ARSF: variants seen among roughly 807,000 people sequenced by gnomAD.
ARSF encodes the protein arylsulfatase F.
ARSF carries 33 observed loss-of-function variants against 35.4 expected under a neutral mutation model. The ratio of observed to expected loss-of-function variants is 0.93; its 90% CI spans 0.71 to 1.25. The LOEUF (loss-of-function observed/expected upper bound fraction) is 1.25. ARSF is among the 50% of genes most tolerant of loss of function. The pLI is 0.00. For synonymous variants in ARSF, 222 were observed against 193.1 expected (o/e 1.15, Z -1.24); for missense variants, 501 against 480.2 (o/e 1.04, Z -0.40).
At chrX:3,103,192 C>A (rs2090390326) in intron 8 of ARSF, among the ~76,000 whole-genome samples, 1 of 110,935 alleles carries the variant, frequency 9.0e-6, no homozygotes. Context: ...GGCAGAAATC[C>A]TCGTCTTCAT....
At chrX:3,074,604 T>G (rs2090132872) in intron 3 of ARSF, among the ~76,000 whole-genome samples, 1 of 111,671 alleles carries the variant, frequency 9.0e-6, no homozygotes, top group Non-Finnish European at 1.9e-5. Flanking sequence ...TTTTGATTCA[T>G]GGATCCATTG....
intron 3 of ARSF, among the ~76,000 whole-genome samples, chrX:3,075,528 CTCTT>C (rs1177427968): frequency 3.7e-5 from 4 of 107,805 alleles, no homozygotes; most frequent in Middle Eastern, 4.8e-3. Context: ...CTGTCTCCCT[CTCTT>C]TGTCTGCCTG....
chrX:3,075,983 G>C (rs866928450), intron 3 of ARSF, among the ~76,000 whole-genome samples: 1 of 103,705 alleles, frequency 9.6e-6, no homozygotes, highest in Admixed American at 1.1e-4. Flanking sequence ...CCCTCCATCT[G>C]TCTCTTTTTC....
chrX:3,040,792 C>T (rs1224483191), upstream of ARSF, among the ~76,000 whole-genome samples: 2 of 110,540 alleles, frequency 1.8e-5, no homozygotes, highest in African/African-American at 6.6e-5. Flanking sequence ...GAGCTGATCA[C>T]TTGCTATGTT....
At position 3,084,597 on chromosome X, in the gene ARSF, C is replaced by T. The variant is rs150895660; in HGVS notation, c.761C>T (p.Thr254Met). ...CTCCTCATGCGGGGGCACGAGATCA[C>T]GGAGCAGCCCATGAAGGCTGAACGA... Reference protein sequence around the residue: ...DCLLMRGHEITEQPMKAERAG... With the variant: ...DCLLMRGHEIMEQPMKAERAG... Residue 254 changes from threonine to methionine, a missense_variant, in exon 6 of 11, where the codon ACG (threonine) becomes ATG (methionine). Transcript: ENST00000381127. 3.0e-4 allele frequency: 361 copies of T among 1,207,074 alleles called. 2 individuals carry two copies. The Middle Eastern group carries it at 4.4e-3, about 15-fold the overall frequency.
intron 7 of ARSF, among the ~76,000 whole-genome samples, chrX:3,090,210 A>G (rs1330935372): frequency 8.9e-6 from 1 of 111,980 alleles, no homozygotes; most frequent in African/African-American, 3.2e-5. Flanking sequence ...TCACAACGTG[A>G]CGTTAAAAGA....
rs146532140 is a variant in ARSF at position 3,083,634 on chromosome X, T to G, written c.407-609T>G. 6.6e-3 allele frequency among the ~76,000 whole-genome samples: 737 copies of G among 111,535 alleles called. 3 individuals are homozygous for G. Among genetic ancestry groups the G allele is most frequent in the African/African-American group, 0.023 (705 of 30,738 alleles). The stretch of plus-strand genomic sequence containing the variant: ...TCTATCTTTCTTTCTATCATCTCTA[T>G]TTATCTAGCTAGCTATATCTACATA... On this transcript the variant is annotated intron_variant, in intron 5 of 10. Coordinates refer to ENST00000381127, the MANE Select transcript of ARSF (RefSeq NM_001201539.2).
intron 10 of ARSF, 81 bp downstream of exon 10, chrX:3,110,333 C>A: frequency 1.1e-6 from 1 of 939,913 alleles, no homozygotes; most frequent in Non-Finnish European, 1.4e-6. Context: ...TCTTCCTTTC[C>A]TCTCTAGACC....
intron 1 of ARSF, chrX:3,058,581 G>A (rs943041766): frequency 3.1e-6 from 1 of 320,393 alleles, no homozygotes; most frequent in Non-Finnish European, 6.0e-6. Context: ...GGCTGGGCAT[G>A]ATGGCTCACA....
At chrX:3,093,114 G>A (rs1400530775) in intron 7 of ARSF, among the ~76,000 whole-genome samples, 5 of 111,303 alleles carry the variant, frequency 4.5e-5, no homozygotes, top group East Asian at 2.8e-4. Context: ...TGCAGTGGCC[G>A]AGATCGCGCC....
intron 9 of ARSF, among the ~76,000 whole-genome samples, chrX:3,105,626 G>A (rs898239216): frequency 8.1e-5 from 9 of 110,787 alleles, no homozygotes; most frequent in African/African-American, 2.9e-4. Context: ...CACCACGCCT[G>A]GGTAATTTTT....
intron 9 of ARSF, among the ~76,000 whole-genome samples, chrX:3,106,166 C>T (rs2090409901): frequency 8.9e-6 from 1 of 112,201 alleles, no homozygotes; most frequent in Non-Finnish European, 1.9e-5. Flanking sequence ...CTCCACTAGC[C>T]ATAGGCTAAG....
chrX:3,062,811 A>G (rs1342272261), intron 1 of ARSF, among the ~76,000 whole-genome samples: 2 of 111,757 alleles, frequency 1.8e-5, no homozygotes, highest in Non-Finnish European at 3.8e-5. Flanking sequence ...GGCAATAATT[A>G]ATAGCCTACC....
chrX:3,081,429 T>A (rs1403166818), intron 5 of ARSF, among the ~76,000 whole-genome samples: 1 of 110,523 alleles, frequency 9.0e-6, no homozygotes, highest in African/African-American at 3.3e-5. Context: ...CTCCATCTCC[T>A]GGGTTCAAGG....
At chrX:3,070,825 T>C (rs1157837438) in intron 2 of ARSF, among the ~76,000 whole-genome samples, 1 of 111,079 alleles carries the variant, frequency 9.0e-6, no homozygotes, top group Non-Finnish European at 1.9e-5. Context: ...GAACATACAA[T>C]GTTTGGTTTT....
In ARSF at chrX:3,068,142, A is replaced by G. The variant is rs766680464; in HGVS notation, c.11+31A>G. 5.1e-6 allele frequency: 6 copies of G among 1,177,898 alleles called. No homozygotes were observed. The Admixed American group carries it at 1.4e-4, about 27-fold the overall frequency. On this transcript the variant is annotated intron_variant, in intron 2 of 10. Transcript: ENST00000381127. Reference sequence around the variant, plus strand: ...TAAAGCCATATACTGCATTGTGAGCACATTGAATCTAATGTATAATTCTGT... The same window carrying G: ...TAAAGCCATATACTGCATTGTGAGCGCATTGAATCTAATGTATAATTCTGT...
chrX:3,071,599 C>T (rs148725234), intron 2 of ARSF, among the ~76,000 whole-genome samples: 2,407 of 110,750 alleles, frequency 0.022, 26 homozygotes, highest in Middle Eastern at 0.075. Context: ...CCACCACACC[C>T]GGCCGCAAGT....
intron 3 of ARSF, among the ~76,000 whole-genome samples, chrX:3,074,555 G>A (rs959442988): frequency 2.7e-5 from 3 of 111,144 alleles, no homozygotes; most frequent in Non-Finnish European, 3.8e-5. Flanking sequence ...TTTAATTGAC[G>A]AATTATAGTT....
chrX:3,089,361 C>A, intron 6 of ARSF, 135 bp from the exon 7 acceptor site: 1 of 701,264 alleles, frequency 1.4e-6, no homozygotes, highest in Non-Finnish European at 2.1e-6. Flanking sequence ...AGGATGGGGC[C>A]CTTGGGTGGA....
Sources: allele counts gnomAD v4.1 joint callset (sites outside exome capture counted in the v4.1 genomes callset), GRCh38; gene constraint gnomAD v4.1.1; transcripts MANE v1.5; gene names NCBI Gene and HGNC (gene_info 2026-07-23, HGNC 2026-07-21).